The following TENM3 variants were observed in gnomAD, a reference collection of about 807,000 sequenced individuals.
The protein encoded by TENM3 is teneurin-3.
Under a neutral mutation model 255.1 loss-of-function variants are expected in TENM3, and 63 were observed. That is an observed-to-expected ratio of 0.25 (90% CI 0.20 to 0.30). TENM3 has a LOEUF of 0.30. Ranked by LOEUF, TENM3 falls within the 10% of genes least tolerant of loss-of-function variation. The pLI is 1.00. For synonymous variants in TENM3, 1,306 were observed against 1,322.3 expected, an observed-to-expected ratio of 0.99 and a Z score of 0.27; for missense variants, 2,929 against 3,461.1, an observed-to-expected ratio of 0.85 and a Z score of 3.86.
At position 182,634,707 on chromosome 4, in the gene TENM3, T is replaced by TAAAAAAAA. The variant is rs11395245; in HGVS notation, c.988+5833_988+5840dup. On this transcript the variant is annotated intron_variant, in intron 5 of 27. Coordinates refer to ENST00000511685, the MANE Select transcript of TENM3 (RefSeq NM_001080477.4). ...CATTCTTCTTTTTTGACTCTGAAAT[T>TAAAAAAAA]AAAAAAAAAAAAAAAAAAAAAAGAT... Among the ~76,000 whole-genome samples the TAAAAAAAA allele has an allele frequency of 1.2e-4, 14 of 116,386 alleles. No individual in the cohort carries two copies. The South Asian group carries it at 4.1e-3, about 34-fold the overall frequency. 76.4% of individuals were successfully genotyped at this position (116,386 alleles called of 152,430 possible).
intron 12 of TENM3, among the ~76,000 whole-genome samples, chr4:182,701,210 C>CTTTTTTTATTT (rs1757834754): frequency 2.6e-5 from 1 of 38,644 alleles, no homozygotes; most frequent in African/African-American, 1.2e-4. Flanking sequence ...CAACTCTTGA[C>CTTTTTTTATTT]TTTTTTTTTT....
chr4:181,671,301 T>G, the TENM3 span, among the ~76,000 whole-genome samples: 1 of 152,088 alleles, frequency 6.6e-6, no homozygotes, highest in African/African-American at 2.4e-5. Flanking sequence ...TAAAGTAATA[T>G]GAGAACGCTG....
chr4:181,812,809 T>C, the TENM3 span, among the ~76,000 whole-genome samples: 1 of 152,140 alleles, frequency 6.6e-6, no homozygotes, highest in Non-Finnish European at 1.5e-5. Context: ...AGTCACAGTA[T>C]ACAAATGACT....
chr4:181,852,342 G>C, the TENM3 span, among the ~76,000 whole-genome samples: 1 of 152,148 alleles, frequency 6.6e-6, no homozygotes, highest in South Asian at 2.1e-4. Context: ...TTTATAACTG[G>C]GTACCCCCTG....
chr4:181,940,928 T>C, the TENM3 span, among the ~76,000 whole-genome samples: 5 of 152,354 alleles, frequency 3.3e-5, no homozygotes, highest in South Asian at 2.1e-4. Flanking sequence ...GGTTAGATTC[T>C]GGATATATTT....
Position 182,774,926 on chromosome 4 carries a change from A to G in TENM3, c.5077A>G (p.Arg1693Gly). The change falls in exon 24 of 28, where the codon AGA becomes GGA. Residue 1693 changes from arginine to glycine, a missense_variant. Physicochemically the swap from Arg to Gly is moderately radical, Grantham distance 125. Around this residue, in one of 6 missense-constraint regions of TENM3, gnomAD observed 1,608 missense variants for 1,884.4 expected, o/e 0.85. Coordinates refer to ENST00000511685, the MANE Select transcript of TENM3 (RefSeq NM_001080477.4). The part of the protein sequence containing the change: ...SFYTMVQDQL[R>G]NSYQIGYDGS... ...TGCTTCTTGTTCTTTAGATCAGTTA[A>G]GAAACAGCTACCAGATTGGTTATGA... 1 of 1,611,120 alleles carries G rather than the reference A, an allele frequency of 6.2e-7. No homozygotes were observed. Among genetic ancestry groups the G allele is most frequent in the Non-Finnish European group, 8.5e-7 (1 of 1,177,884 alleles).
At chr4:182,439,100 G>T (rs530673811) in intron 3 of TENM3, among the ~76,000 whole-genome samples, 37 of 152,236 alleles carry the variant, frequency 2.4e-4, no homozygotes, top group Non-Finnish European at 4.7e-4. Context: ...CCCTTATTTT[G>T]CCTTTCAATG....
intron 3 of TENM3, among the ~76,000 whole-genome samples, chr4:182,419,881 AG>A (rs1360585161): frequency 2.6e-5 from 2 of 77,324 alleles, no homozygotes; most frequent in South Asian, 4.9e-4. Context: ...GGGGTGGGGG[AG>A]GGGGAAGGAT....
the TENM3 span, among the ~76,000 whole-genome samples, chr4:181,465,596 C>T: frequency 3.9e-5 from 6 of 152,074 alleles, no homozygotes; most frequent in South Asian, 2.1e-4. Context: ...TATTTCTTAG[C>T]GGAATTCTAG....
At chr4:181,644,316 G>A in the TENM3 span, among the ~76,000 whole-genome samples, 8 of 151,862 alleles carry the variant, frequency 5.3e-5, no homozygotes, top group Admixed American at 2.0e-4. Flanking sequence ...GGAGGGAGGC[G>A]GACAGGGAGG....
chr4:182,003,926 A>T, the TENM3 span, among the ~76,000 whole-genome samples: 3 of 152,178 alleles, frequency 2.0e-5, no homozygotes, highest in African/African-American at 7.2e-5. Context: ...CTAAAAAAAA[A>T]AATAAATCTT....
At chr4:181,484,629 TTTAA>T in the TENM3 span, among the ~76,000 whole-genome samples, 34 of 152,330 alleles carry the variant, frequency 2.2e-4, no homozygotes, top group African/African-American at 7.0e-4. Flanking sequence ...ACAGTAAGTG[TTTAA>T]TTAGTTGCTG....
At chr4:181,977,953 A>G in the TENM3 span, among the ~76,000 whole-genome samples, 6 of 152,346 alleles carry the variant, frequency 3.9e-5, no homozygotes, top group African/African-American at 1.4e-4. Flanking sequence ...AAAGTCAAGG[A>G]GAGTGACTGA....
At chr4:182,771,295 T>C (rs1479507125) in intron 22 of TENM3, among the ~76,000 whole-genome samples, 2 of 152,108 alleles carry the variant, frequency 1.3e-5, no homozygotes, top group African/African-American at 4.8e-5. Flanking sequence ...CAGAGGAGAA[T>C]GAATCAGCAA....
At chr4:182,365,376 G>A (rs1766361288) in intron 3 of TENM3, among the ~76,000 whole-genome samples, 1 of 152,158 alleles carries the variant, frequency 6.6e-6, no homozygotes, top group Non-Finnish European at 1.5e-5. Flanking sequence ...TTTGGTTGCA[G>A]GACCTTTTGT....
intron 1 of TENM3, among the ~76,000 whole-genome samples, chr4:182,295,261 CTTTTTTTTTTT>C (rs752005972): frequency 2.8e-5 from 2 of 70,440 alleles, no homozygotes; most frequent in South Asian, 9.1e-4. Context: ...CTTTGCTTTT[CTTTTTTTTTTT>C]TTTTTTTTTT....
the TENM3 span, among the ~76,000 whole-genome samples, chr4:181,885,991 G>A: frequency 6.6e-6 from 1 of 151,168 alleles, no homozygotes; most frequent in Non-Finnish European, 1.5e-5. Context: ...TCAACCTGCT[G>A]GAAAAAGATC....
chr4:182,364,285 C>T (rs951449786), intron 3 of TENM3, among the ~76,000 whole-genome samples: 1 of 152,058 alleles, frequency 6.6e-6, no homozygotes, highest in African/African-American at 2.4e-5. Flanking sequence ...GTTTATTGGG[C>T]AACACAGATA....
chr4:181,630,530 T>C, the TENM3 span, among the ~76,000 whole-genome samples: 3 of 152,232 alleles, frequency 2.0e-5, no homozygotes. Context: ...GAGATTCTGG[T>C]ATGTTGTGTC....
Sources: allele counts gnomAD v4.1 joint callset (sites outside exome capture counted in the v4.1 genomes callset), GRCh38; gene constraint gnomAD v4.1.1; regional missense constraint gnomAD v4.1.1; transcripts MANE v1.5; gene names NCBI Gene and HGNC (gene_info 2026-07-23, HGNC 2026-07-21).